The following SERPINE2 variants were observed in gnomAD, a reference collection of about 807,000 sequenced individuals.
SERPINE2 encodes the protein serpin family E member 2, also known as glia-derived nexin.
A neutral mutation model predicts 36.3 loss-of-function variants in SERPINE2; 14 were observed. That is an observed-to-expected ratio of 0.39 (90% CI 0.25 to 0.60). The LOEUF (loss-of-function observed/expected upper bound fraction) is 0.60. Ranked by LOEUF, SERPINE2 falls within the 20% of genes least tolerant of loss-of-function variation. The probability of loss-of-function intolerance (pLI) is 0.57; values close to 1 mark genes in which losing one functional copy is unlikely to be tolerated. For synonymous variants in SERPINE2, 192 were observed against 191.8 expected (o/e 1.00, Z -0.01); for missense variants, 418 against 499.6 (o/e 0.84, Z 1.56).
At chr2:224,011,625 A>G (rs1438957216) in intron 1 of SERPINE2, among the ~76,000 whole-genome samples, 2 of 152,232 alleles carry the variant, frequency 1.3e-5, no homozygotes, top group Non-Finnish European at 2.9e-5. Context: ...TTAAAAAATG[A>G]GTGTCAAGTG....
intron 5 of SERPINE2, among the ~76,000 whole-genome samples, chr2:223,983,736 A>G (rs55673817): frequency 0.028 from 2,340 of 82,802 alleles, 48 homozygotes; most frequent in Middle Eastern, 0.14. Flanking sequence ...ATGTGTGTAT[A>G]TGTGTGTGTG....
In SERPINE2 at chr2:224,034,962, A is replaced by T. The variant is rs565510825; in HGVS notation, c.-23+4137T>A. Among the ~76,000 whole-genome samples the T allele has an allele frequency of 3.9e-5, 6 of 152,326 alleles. No individual in the cohort carries two copies. The East Asian group carries it at 1.2e-3, about 29-fold the overall frequency. ...AAGATAGCGGAGAGCTCATCTTTCA[A>T]TCTTGAGATACCAAACTTGTGATAT... On this transcript the variant is annotated intron_variant, in intron 1 of 8. Coordinates refer to ENST00000409304, the MANE Select transcript of SERPINE2 (RefSeq NM_001136528.2).
At chr2:223,990,334 A>G in intron 4 of SERPINE2, among the ~76,000 whole-genome samples, 1 of 152,172 alleles carries the variant, frequency 6.6e-6, no homozygotes, top group Non-Finnish European at 1.5e-5. Flanking sequence ...TTTCTATAAA[A>G]CACACATGTA....
intron 4 of SERPINE2, among the ~76,000 whole-genome samples, chr2:223,988,782 G>A (rs1263623180): frequency 6.6e-6 from 1 of 152,078 alleles, no homozygotes; most frequent in Non-Finnish European, 1.5e-5. Context: ...TGTTGTTATA[G>A]GAAAAAAGCA....
At chr2:224,038,394 CT>C in intron 1 of SERPINE2, 1 of 1,020,024 alleles carries the variant, frequency 9.8e-7, no homozygotes, top group Non-Finnish European at 1.5e-6. Context: ...GGAGTGCTGT[CT>C]TATGTAATAG....
At chr2:224,031,481 C>A (rs1000730482) in intron 1 of SERPINE2, 12 of 985,546 alleles carry the variant, frequency 1.2e-5, no homozygotes, top group Non-Finnish European at 1.4e-5. Flanking sequence ...CAAGGATTGA[C>A]CATGTGATTT....
chr2:223,981,668 T>A (rs1035637723), intron 6 of SERPINE2: 1 of 152,186 alleles, frequency 6.6e-6, no homozygotes, highest in Admixed American at 6.5e-5. Context: ...GTGCAAATAA[T>A]GTTCAAGCCA....
At chr2:223,977,476 A>C in intron 8 of SERPINE2, 68 bp downstream of exon 8, 1 of 991,394 alleles carries the variant, frequency 1.0e-6, no homozygotes, top group South Asian at 1.3e-5. Context: ...GTTGGATATA[A>C]TGAAGAGTGC....
At chr2:223,997,242 A>G (rs995654414) in intron 3 of SERPINE2, among the ~76,000 whole-genome samples, 15 of 151,958 alleles carry the variant, frequency 9.9e-5, no homozygotes, top group Non-Finnish European at 1.5e-5. Flanking sequence ...GTTGTTTTAG[A>G]CACAGTCTCA....
intron 7 of SERPINE2, 90 bp downstream of exon 7, chr2:223,980,221 G>A (rs926589128): frequency 9.5e-7 from 1 of 1,057,116 alleles, no homozygotes; most frequent in Non-Finnish European, 1.5e-6. Context: ...TGGAAAGAGG[G>A]TGCATTACAT....
chr2:223,992,679 G>A (rs1294924024), intron 3 of SERPINE2, among the ~76,000 whole-genome samples: 1 of 152,148 alleles, frequency 6.6e-6, no homozygotes, highest in Non-Finnish European at 1.5e-5. Flanking sequence ...GATTTTGAAT[G>A]TTCCCACCAT....
intron 1 of SERPINE2, among the ~76,000 whole-genome samples, chr2:224,011,226 T>C (rs1691614533): frequency 6.6e-6 from 1 of 152,184 alleles, no homozygotes; most frequent in African/African-American, 2.4e-5. Flanking sequence ...AACCAAGAGG[T>C]GACCCAAGAC....
At chr2:224,014,633 C>CT (rs750145650) in intron 1 of SERPINE2, among the ~76,000 whole-genome samples, 16 of 152,136 alleles carry the variant, frequency 1.1e-4, no homozygotes, top group Non-Finnish European at 2.1e-4. Flanking sequence ...AGTGTGGGGG[C>CT]TGTCTTGGGT....
At chr2:223,988,795 T>C (rs1484575468) in intron 4 of SERPINE2, among the ~76,000 whole-genome samples, 1 of 152,216 alleles carries the variant, frequency 6.6e-6, no homozygotes, top group African/African-American at 2.4e-5. Context: ...AAAAAGCAGA[T>C]GGCTTTCCAT....
At chr2:223,996,945 C>T (rs996493330) in intron 3 of SERPINE2, among the ~76,000 whole-genome samples, 10 of 152,094 alleles carry the variant, frequency 6.6e-5, no homozygotes, top group Admixed American at 2.6e-4. Flanking sequence ...GGCATGGTGG[C>T]GCACACCTGT....
intron 3 of SERPINE2, among the ~76,000 whole-genome samples, chr2:223,992,704 C>T (rs1172884566): frequency 6.6e-6 from 1 of 152,100 alleles, no homozygotes; most frequent in Non-Finnish European, 1.5e-5. Context: ...AAATGAGAAA[C>T]GTTTGAGGTA....
chr2:223,990,079 T>C (rs1378533630), intron 4 of SERPINE2, among the ~76,000 whole-genome samples: 2 of 151,968 alleles, frequency 1.3e-5, no homozygotes, highest in Admixed American at 1.3e-4. Flanking sequence ...AGCTGGCCCA[T>C]GACTCTGTAA....
At chr2:224,015,078 G>A (rs1475969056) in intron 1 of SERPINE2, among the ~76,000 whole-genome samples, 1 of 151,876 alleles carries the variant, frequency 6.6e-6, no homozygotes, top group African/African-American at 2.4e-5. Flanking sequence ...CGTGGCATCT[G>A]CTAGGTGGGG....
chr2:223,975,766 G>T lies in SERPINE2; in HGVS notation c.*101C>A. On this transcript the variant is annotated 3_prime_UTR_variant, in exon 9 of 9. Transcript: ENST00000409304. ...TAAGAACTAGTTTTGAAAAAGAAGCGATGTACAAAAATATTTAACAGAACT... is the reference window on the plus strand; with the variant it reads ...TAAGAACTAGTTTTGAAAAAGAAGCTATGTACAAAAATATTTAACAGAACT... The T allele has an allele frequency of 2.1e-6, 2 of 940,326 alleles. No individual in the cohort carries two copies. The highest frequency in any genetic ancestry group is 3.2e-6 in the Non-Finnish European group (2 of 627,984). 58.2% of individuals were successfully genotyped at this position (940,326 alleles called of 1,614,324 possible).
Sources: allele counts gnomAD v4.1 joint callset (sites outside exome capture counted in the v4.1 genomes callset), GRCh38; gene constraint gnomAD v4.1.1; transcripts MANE v1.5; gene names NCBI Gene and HGNC (gene_info 2026-07-23, HGNC 2026-07-21).